RAB30: variants seen among roughly 807,000 people sequenced by gnomAD.
RAB30 encodes ras-related protein Rab-30.
In RAB30, 9 loss-of-function variants were observed where a neutral mutation model predicts 25.1. That is an observed-to-expected ratio of 0.36 (90% CI 0.22 to 0.63). The LOEUF is 0.63. RAB30 is among the 20% of genes least tolerant of loss of function. RAB30 has a pLI of 0.69. For synonymous variants in RAB30, 77 were observed against 86.4 expected (o/e 0.89, Z 0.60); for missense variants, 140 against 243.5 (o/e 0.58, Z 2.83).
intron 1 of RAB30, chr11:83,034,842 CAGTT>C (rs1857952187): frequency 6.6e-6 from 1 of 151,730 alleles, no homozygotes; most frequent in Non-Finnish European, 1.5e-5. Context: ...CCAAGGAACA[CAGTT>C]AGCAAGAGGG....
At chr11:83,013,714 C>T (rs774688351) in intron 1 of RAB30, among the ~76,000 whole-genome samples, 1 of 152,080 alleles carries the variant, frequency 6.6e-6, no homozygotes, top group Admixed American at 6.6e-5. Context: ...TCTCTGTGTG[C>T]GTTGGAGGAC....
At chr11:82,990,542 A>G (rs1296965528) in intron 3 of RAB30, among the ~76,000 whole-genome samples, 1 of 152,232 alleles carries the variant, frequency 6.6e-6, no homozygotes, top group Non-Finnish European at 1.5e-5. Flanking sequence ...GGAGGAATGA[A>G]TGGATGGACA....
intron 1 of RAB30, among the ~76,000 whole-genome samples, chr11:83,005,945 C>A (rs1425024491): frequency 1.4e-5 from 2 of 145,466 alleles, no homozygotes; most frequent in African/African-American, 5.6e-5. Context: ...ATAGCACTTA[C>A]ATTTTTTTTT....
At position 82,978,298 on chromosome 11, in the gene RAB30, T is replaced by A. The variant is rs1856579594; in HGVS notation, c.*3867A>T. 1 of 152,102 alleles carries A rather than the reference T, an allele frequency of 6.6e-6. No homozygotes were observed. Among genetic ancestry groups the A allele is most frequent in the Non-Finnish European group, 1.5e-5 (1 of 68,008 alleles). 9.4% of individuals were successfully genotyped at this position (152,102 alleles called of 1,614,324 possible). A position where few individuals can be genotyped will look rare whatever the true frequency, so the allele number is the denominator to read the frequency against. ...TAGAGCAATGATCCCTAAGTACTCA[T>A]TACTATGAAATACAGAGTTCTACAA... On this transcript the variant is annotated 3_prime_UTR_variant, in exon 5 of 5. Coordinates refer to ENST00000527633, the MANE Select transcript of RAB30 (RefSeq NM_001286060.2).
Position 83,029,071 on chromosome 11 carries a change from A to G in RAB30, c.-8-31747T>C, listed in dbSNP as rs947977838. Among the ~76,000 whole-genome samples, 16 of 152,242 alleles carry G rather than the reference A, an allele frequency of 1.1e-4. No homozygotes were observed. The South Asian group carries it at 1.5e-3, about 14-fold the overall frequency. On this transcript the variant is annotated intron_variant, in intron 1 of 4. Coordinates refer to ENST00000527633, the MANE Select transcript of RAB30 (RefSeq NM_001286060.2). ...TGGAGGATGTCCTTCACTAAGTGGTATAAAAGAAACATCAAGAGATCTAGT... is the reference window on the plus strand; with the variant it reads ...TGGAGGATGTCCTTCACTAAGTGGTGTAAAAGAAACATCAAGAGATCTAGT...
intron 1 of RAB30, among the ~76,000 whole-genome samples, chr11:83,013,424 C>T (rs2121497524): frequency 6.6e-6 from 1 of 152,270 alleles, no homozygotes; most frequent in Non-Finnish European, 1.5e-5. Context: ...TATCCTGTTT[C>T]CTCCACTAGG....
intron 4 of RAB30, 89 bp downstream of exon 4, chr11:82,987,498 C>A: frequency 7.7e-7 from 1 of 1,293,272 alleles, no homozygotes; most frequent in African/African-American, 1.5e-5. Context: ...AGACTATATT[C>A]TTGGAAGGCA....
At chr11:83,028,930 G>C (rs1008095622) in intron 1 of RAB30, among the ~76,000 whole-genome samples, 2 of 152,132 alleles carry the variant, frequency 1.3e-5, no homozygotes, top group Non-Finnish European at 2.9e-5. Context: ...CCAGGTACTT[G>C]AGAGGATCAC....
intron 1 of RAB30, among the ~76,000 whole-genome samples, chr11:83,037,754 G>A (rs1191047265): frequency 1.3e-5 from 2 of 152,244 alleles, no homozygotes; most frequent in East Asian, 3.9e-4. Flanking sequence ...CCCCAGTTGT[G>A]TTTGTTCAAG....
chr11:83,064,132 T>C (rs1450153363), intron 1 of RAB30, among the ~76,000 whole-genome samples: 1 of 152,146 alleles, frequency 6.6e-6, no homozygotes, highest in Non-Finnish European at 1.5e-5. Flanking sequence ...TTCTTTTCTT[T>C]TTTTAAGACA....
chr11:83,008,122 C>T (rs1857225855), intron 1 of RAB30, among the ~76,000 whole-genome samples: 1 of 152,178 alleles, frequency 6.6e-6, no homozygotes, highest in African/African-American at 2.4e-5. Flanking sequence ...TCAGCTTATT[C>T]AGTCTCCTCC....
At chr11:83,001,046 CAAAAAAA>C (rs1181057652) in intron 1 of RAB30, among the ~76,000 whole-genome samples, 2 of 53,634 alleles carry the variant, frequency 3.7e-5, no homozygotes, top group African/African-American at 1.5e-4. Flanking sequence ...GACTCCGTCT[CAAAAAAA>C]AAAAAAAAAA....
chr11:82,991,430 C>T (rs1482346941), intron 3 of RAB30, among the ~76,000 whole-genome samples: 1 of 145,300 alleles, frequency 6.9e-6, no homozygotes, highest in African/African-American at 2.5e-5. Flanking sequence ...TCACTTGAGC[C>T]TAGGAGGTCG....
At chr11:82,997,409 G>A in intron 1 of RAB30, 85 bp from the exon 2 acceptor site, 1 of 959,834 alleles carries the variant, frequency 1.0e-6, no homozygotes, top group South Asian at 1.4e-5. Flanking sequence ...TCTCTCCGGG[G>A]GAACAGGTCT....
chr11:83,030,188 A>T (rs1289476779), intron 1 of RAB30, among the ~76,000 whole-genome samples: 1 of 152,162 alleles, frequency 6.6e-6, no homozygotes, highest in Non-Finnish European at 1.5e-5. Flanking sequence ...AAAGCCATTT[A>T]AAAAAATTTT....
intron 1 of RAB30, among the ~76,000 whole-genome samples, chr11:83,009,787 TTTTCAATACTCATCAAAAGCC>T (rs968524707): frequency 2.0e-5 from 3 of 152,126 alleles, no homozygotes; most frequent in Non-Finnish European, 2.9e-5. Flanking sequence ...CAATAGCAAC[TTTTCAATACTCATCAAAAGCC>T]TTTCAATACT....
chr11:83,015,917 C>T (rs184884634), intron 1 of RAB30, among the ~76,000 whole-genome samples: 7 of 152,268 alleles, frequency 4.6e-5, no homozygotes, highest in Admixed American at 4.6e-4. Flanking sequence ...GCAGGCAGAT[C>T]CCTTGAGACC....
rs767381714 is a variant in RAB30 at position 82,981,938 on chromosome 11, A to G, written c.*227T>C. The G allele has an allele frequency of 5.9e-5, 34 of 578,346 alleles. No homozygotes were observed. The highest frequency in any genetic ancestry group is 8.4e-5 in the Non-Finnish European group (28 of 331,726). The allele number at this position is 578,346 out of a possible 1,614,324, so 35.8% of individuals were successfully genotyped here. On this transcript the variant is annotated 3_prime_UTR_variant, in exon 5 of 5. Transcript: ENST00000527633. Reference sequence around the variant, plus strand: ...TGCAGATCATGGAGTGCCTAGTGCAATTTTCTCCTTGCTCCAACTCCAGAC... The same window carrying G: ...TGCAGATCATGGAGTGCCTAGTGCAGTTTTCTCCTTGCTCCAACTCCAGAC...
At chr11:83,033,762 A>T (rs772438328) in intron 1 of RAB30, among the ~76,000 whole-genome samples, 3 of 152,224 alleles carry the variant, frequency 2.0e-5, no homozygotes, top group Non-Finnish European at 4.4e-5. Context: ...AAATAAATAA[A>T]AATCTCAATC....
Sources: gnomAD v4.1 joint callset for allele counts (sites outside exome capture counted in the v4.1 genomes callset) on GRCh38, gnomAD v4.1.1 for gene constraint, MANE v1.5 for transcripts, NCBI Gene and HGNC (gene_info 2026-07-23, HGNC 2026-07-21) for gene names.